CANX: variants seen among roughly 807,000 people sequenced by gnomAD.
CANX encodes epididymis secretory sperm binding protein.
In CANX, 14 loss-of-function variants were observed where a neutral mutation model predicts 75.7. That is an observed-to-expected ratio of 0.19 (90% CI 0.12 to 0.29). The LOEUF (loss-of-function observed/expected upper bound fraction) is 0.29, where lower values mean the gene tolerates loss of function less well. Among genes scored for constraint, CANX ranks in the 10% least tolerant of loss-of-function variants. The pLI is 1.00. For missense variants in CANX, 567 were observed against 713.2 expected (o/e 0.79, Z 2.34); for synonymous variants, 227 against 236.9 (o/e 0.96, Z 0.38).
At chr5:179,689,393 T>G (rs946733555) in intron 1 of CANX, among the ~76,000 whole-genome samples, 14 of 144,772 alleles carry the variant, frequency 9.7e-5, no homozygotes, top group East Asian at 4.1e-4. Flanking sequence ...TTTTTTTTTT[T>G]TTTTTTTTTT....
At chr5:179,693,801 C>T (rs1776342699), upstream of CANX, among the ~76,000 whole-genome samples, 1 of 151,724 alleles carries the variant, frequency 6.6e-6, no homozygotes. Context: ...CATGATTGTG[C>T]CACTGTACTC....
rs1776068693 is a variant in CANX, at chr5:179,681,685, G to T, written c.-4+2908G>T. 3.3e-5 allele frequency among the ~76,000 whole-genome samples: 5 copies of T among 152,258 alleles called. No homozygotes were observed. The South Asian group carries it at 1.0e-3, about 32-fold the overall frequency. On this transcript the variant is annotated intron_variant, in intron 1 of 14. Transcript: ENST00000681674. Reference sequence around the variant, plus strand: ...CCTATGGGATGGGTGCACCACCAGTGATAGGGATCTCAGTAGGGCGCCAGC... The same window carrying T: ...CCTATGGGATGGGTGCACCACCAGTTATAGGGATCTCAGTAGGGCGCCAGC...
chr5:179,698,243 ATC>A (rs1776477335), upstream of CANX: 2 of 200,014 alleles, frequency 1.0e-5, no homozygotes, highest in African/African-American at 2.4e-5. Flanking sequence ...TCATCCCTGT[ATC>A]TCTCTGCCCT....
intron 1 of CANX, among the ~76,000 whole-genome samples, chr5:179,687,922 C>T (rs1345436636): frequency 6.6e-6 from 1 of 151,734 alleles, no homozygotes; most frequent in African/African-American, 2.4e-5. Flanking sequence ...GTGGTCCCAG[C>T]TACTTGGGAG....
intron 1 of CANX, among the ~76,000 whole-genome samples, chr5:179,680,710 T>C (rs1049755038): frequency 3.9e-5 from 6 of 152,152 alleles, no homozygotes; most frequent in African/African-American, 1.4e-4. Context: ...GTGCTGATTC[T>C]ATTATGTGAA....
intron 8 of CANX, among the ~76,000 whole-genome samples, chr5:179,718,466 A>G (rs1167208404): frequency 1.3e-5 from 2 of 152,038 alleles, no homozygotes; most frequent in Non-Finnish European, 2.9e-5. Context: ...CAAGTGATCT[A>G]CCAGCCTCAG....
At chr5:179,691,785 A>T (rs1218497970) in intron 1 of CANX, among the ~76,000 whole-genome samples, 1 of 151,736 alleles carries the variant, frequency 6.6e-6, no homozygotes, top group Non-Finnish European at 1.5e-5. Context: ...TAATTAATTT[A>T]TTTATTTTTT....
chr5:179,711,785 CAAA>C (rs71001042), intron 7 of CANX, among the ~76,000 whole-genome samples: 28 of 105,272 alleles, frequency 2.7e-4, no homozygotes, highest in Admixed American at 4.1e-4. Context: ...GACTCTGTCT[CAAA>C]AAAAAAAAAA....
chr5:179,712,345 G>C (rs771925928), intron 7 of CANX, among the ~76,000 whole-genome samples: 1 of 151,546 alleles, frequency 6.6e-6, no homozygotes, highest in Non-Finnish European at 1.5e-5. Flanking sequence ...GTTTTTTTTG[G>C]TTTGTTTGTT....
chr5:179,716,037 C>G (rs555651082), intron 7 of CANX, 68 bp from the exon 8 acceptor site: 1 of 1,170,800 alleles, frequency 8.5e-7, no homozygotes. Context: ...AAGTCATGAT[C>G]TTTTGTATTA....
At chr5:179,692,167 TG>T (rs1241639261) in intron 1 of CANX, among the ~76,000 whole-genome samples, 1 of 149,580 alleles carries the variant, frequency 6.7e-6, no homozygotes, top group East Asian at 2.0e-4. Context: ...CTCCGCCTCC[TG>T]GGTTCAAGTG....
At chr5:179,719,610 A>G in intron 8 of CANX, 58 bp from the exon 9 acceptor site, 1 of 912,184 alleles carries the variant, frequency 1.1e-6, no homozygotes, top group Non-Finnish European at 1.8e-6. Flanking sequence ...CTGATCCACA[A>G]AGTGGTACTA....
rs767913906 is a variant in CANX at position 179,705,723 on chromosome 5, A to G, written c.42A>G (p.Gly14=). Residue 14 remains glycine (G), a synonymous_variant, in exon 2 of 15, where the codon GGA becomes GGG. Coordinates refer to ENST00000247461, the MANE Select transcript of CANX (RefSeq NM_001746.4). ...KWLLCMLLVL[G]TAIVEAHDGH... is the part of the protein sequence containing the mutation. The stretch of plus-strand genomic sequence containing the variant: ...TGCTGTGTATGTTACTGGTGCTTGG[A>G]ACTGCTATTGTTGAGGCTCATGATG... 1 of 1,612,768 alleles carries G rather than the reference A, an allele frequency of 6.2e-7. No homozygotes were observed. The highest frequency in any genetic ancestry group is 2.2e-5 in the East Asian group (1 of 44,846).
chr5:179,726,791 C>T, intron 14 of CANX, 32 bp downstream of exon 14: 2 of 1,483,850 alleles, frequency 1.3e-6, no homozygotes, highest in East Asian at 2.3e-5. Flanking sequence ...TTTTGTTTTA[C>T]CAAGCTGAAG....
chr5:179,679,201 C>T, intron 1 of CANX: 1 of 1,534,680 alleles, frequency 6.5e-7, no homozygotes, highest in South Asian at 1.2e-5. Flanking sequence ...GCTGGCGACT[C>T]GTGCTGCGCT....
chr5:179,722,026 T>C (rs572291770), intron 10 of CANX, among the ~76,000 whole-genome samples: 3 of 152,310 alleles, frequency 2.0e-5, no homozygotes, highest in Non-Finnish European at 4.4e-5. Context: ...ATAAAAGTTT[T>C]ACTTTAAAAA....
intron 1 of CANX, 149 bp downstream of exon 1, chr5:179,699,251 T>G (rs1334445510): frequency 2.5e-6 from 1 of 394,130 alleles, no homozygotes; most frequent in East Asian, 1.6e-4. Context: ...GCGCCCGCCG[T>G]GAGCGAGGAG....
rs369412541 is a variant in CANX at position 179,728,702 on chromosome 5, C to T, written c.*58C>T. The T allele has an allele frequency of 5.0e-5, 62 of 1,242,194 alleles. No individual in the cohort carries two copies. In the African/African-American group the frequency reaches 7.8e-4, roughly 16 times the overall value. 76.9% of individuals were successfully genotyped at this position (1,242,194 alleles called of 1,614,324 possible). On this transcript the variant is annotated 3_prime_UTR_variant, in exon 15 of 15. Coordinates refer to ENST00000247461, the MANE Select transcript of CANX (RefSeq NM_001746.4). The stretch of plus-strand genomic sequence containing the variant: ...CTCCCTCCTCCCCTGCAAGAGTGGT[C>T]CTAGGAGAGGACCTGGCACACCTTA...
chr5:179,709,593 G>A (rs1777387276), intron 6 of CANX: 1 of 244,452 alleles, frequency 4.1e-6, no homozygotes, highest in African/African-American at 2.2e-5. Flanking sequence ...TTGCTTCTGT[G>A]TAAGTTTTAG....
Sources: gnomAD v4.1 joint callset for allele counts (sites outside exome capture counted in the v4.1 genomes callset) on GRCh38, gnomAD v4.1.1 for gene constraint, MANE v1.5 for transcripts, NCBI Gene and HGNC (gene_info 2026-07-23, HGNC 2026-07-21) for gene names.